VCX2: variants seen among roughly 807,000 people sequenced by gnomAD.
VCX2 encodes the protein variable charge X-linked protein 2.
For missense variants in VCX2, 83 were observed against 116.6 expected, an observed-to-expected ratio of 0.71 and a Z score of 1.33; for synonymous variants, 37 against 53.9, an observed-to-expected ratio of 0.69 and a Z score of 1.38.
In VCX2 at chrX:8,170,320, T is replaced by C; in HGVS notation, c.132A>G (p.Ala44=). The C allele has an allele frequency of 1.0e-6, 1 of 983,418 alleles. No individual in the cohort carries two copies. The highest frequency in any genetic ancestry group is 1.4e-6 in the Non-Finnish European group (1 of 737,947). 81.0% of individuals were successfully genotyped at this position (983,418 alleles called of 1,213,427 possible). ...KTTKVAKKGK[A]VRRGRRGKKG... is the part of the protein sequence containing the mutation. The stretch of plus-strand genomic sequence containing the variant: ...TCTTCCCGCGTCTCCCTCTACGAAC[T>C]GCTTTTCCCTTCTTGGCCACCTTGG... Residue 44 remains alanine, a synonymous_variant, in exon 3 of 3, where the codon GCA becomes GCG. Transcript: ENST00000317103.
chrX:8,170,004 C>T lies in VCX2; in HGVS notation c.*28G>A. On this transcript the variant is annotated 3_prime_UTR_variant, in exon 3 of 3. Transcript: ENST00000317103. The stretch of plus-strand genomic sequence containing the variant: ...ATGGCAAGCACCCCGCTGGTGAGAT[C>T]TCTGAGGTCTGGCGGCTGGGCCTGA... The T allele has an allele frequency of 1.7e-6, 2 of 1,190,887 alleles. No individual in the cohort carries two copies. The highest frequency in any genetic ancestry group is 1.1e-6 in the Non-Finnish European group (1 of 888,730).
In VCX2 at chrX:8,170,063, C is replaced by T. The variant is rs370309317; in HGVS notation, c.389G>A (p.Ser130Asn). ...GGTGCTCTCGGAGACAGGGGAAAAG[C>T]TGGCCATCCACACAGTCAGTGGTTC... ...VEEPLTVWMASFSPVSESTD is the reference protein window; with the variant it reads ...VEEPLTVWMANFSPVSESTD The change falls in exon 3 of 3, where the codon AGC becomes AAC. Residue 130 changes from serine (S) to asparagine (N), a missense_variant. Coordinates refer to ENST00000317103, the MANE Select transcript of VCX2 (RefSeq NM_016378.3). 4.2e-6 allele frequency: 5 copies of T among 1,203,880 alleles called. No individual in the cohort carries two copies. In the East Asian group the frequency reaches 8.9e-5, roughly 22 times the overall value.
chrX:8,170,866 G>GC (rs1013380752), intron 1 of VCX2, 77 bp from the exon 2 acceptor site: 1,176 of 40,826 alleles, frequency 0.029, 2 homozygotes, highest in Admixed American at 0.044. Context: ...CGGGGGGGGG[G>GC]GGTGACATCT....
At position 8,170,029 on chromosome X, in the gene VCX2, A is replaced by T. The variant is rs1338103651; in HGVS notation, c.*3T>A. 1 of 1,198,797 alleles carries T rather than the reference A, an allele frequency of 8.3e-7. No homozygotes were observed. ...CTCTGAGGTCTGGCGGCTGGGCCTG[A>T]ACTTAGTCGGTGCTCTCGGAGACAG... On this transcript the variant is annotated 3_prime_UTR_variant, in exon 3 of 3. Coordinates refer to ENST00000317103, the MANE Select transcript of VCX2 (RefSeq NM_016378.3).
rs1208761163 is a variant in VCX2, at chrX:8,170,174, T to G, written c.278A>C (p.Glu93Ala). 2 of 1,141,110 alleles carry G rather than the reference T, an allele frequency of 1.8e-6. No individual in the cohort carries two copies. The highest frequency in any genetic ancestry group is 5.2e-5 in the Admixed American group (2 of 38,636). The allele number at this position is 1,141,110 out of a possible 1,213,427, so 94.0% of individuals were successfully genotyped here. A position where few individuals can be genotyped will look rare whatever the true frequency, so the allele number is the denominator to read the frequency against. The change falls in exon 3 of 3, where the codon GAG (glutamate) becomes GCG (alanine). Residue 93 changes from glutamate (E) to alanine (A), a missense_variant. Transcript: ENST00000317103. Reference sequence around the variant, plus strand: ...GTGCTGGGTCCCCTCGCTCACTGGCTCCTCCGGCGGCAGCTCGTGCTGAGG... The same window carrying G: ...GTGCTGGGTCCCCTCGCTCACTGGCGCCTCCGGCGGCAGCTCGTGCTGAGG... Reference protein sequence around the residue: ...ELPQHELPPEEPVSEGTQHDP... With the variant: ...ELPQHELPPEAPVSEGTQHDP...
At chrX:8,170,374 A>G in intron 2 of VCX2, 25 bp from the exon 3 acceptor site, 1 of 859,885 alleles carries the variant, frequency 1.2e-6, no homozygotes, top group Non-Finnish European at 1.6e-6. Flanking sequence ...GGGAGATCAC[A>G]GAAGGGCTCT....
In VCX2 at chrX:8,170,078, G is replaced by A; in HGVS notation, c.374C>T (p.Thr125Ile). ...SQESEVEEPL[T>I]VWMASFSPVS... Reference sequence around the variant, plus strand: ...AGGGGAAAAGCTGGCCATCCACACAGTCAGTGGTTCTTCCACCTCGCTCTC... The same window carrying A: ...AGGGGAAAAGCTGGCCATCCACACAATCAGTGGTTCTTCCACCTCGCTCTC... Residue 125 changes from threonine (T) to isoleucine (I), a missense_variant, in exon 3 of 3, where the codon ACT (threonine) becomes ATT (isoleucine). Coordinates refer to ENST00000317103, the MANE Select transcript of VCX2 (RefSeq NM_016378.3). The A allele has an allele frequency of 8.3e-7, 1 of 1,201,310 alleles. No homozygotes were observed. Among genetic ancestry groups the A allele is most frequent in the Non-Finnish European group, 1.1e-6 (1 of 892,749 alleles).
rs1319642547 is a variant in VCX2, at chrX:8,170,108, C to G, written c.344G>C (p.Ser115Thr). The part of the protein sequence containing the change: ...SQESEVEEPL[S>T]QESEVEEPLT... ...TGGTTCTTCCACCTCGCTCTCCTGA[C>G]TCAGTGGTTCTTCCACCTCGCTCTC... is the stretch of plus-strand genomic sequence containing the variant. The change falls in exon 3 of 3, where the codon AGT (serine) becomes ACT (threonine). Residue 115 changes from serine (S) to threonine (T), a missense_variant. Coordinates refer to ENST00000317103, the MANE Select transcript of VCX2 (RefSeq NM_016378.3). The G allele has an allele frequency of 8.4e-7, 1 of 1,185,559 alleles. No individual in the cohort carries two copies. Among genetic ancestry groups the G allele is most frequent in the Non-Finnish European group, 1.1e-6 (1 of 886,333 alleles).
rs1434939227 is a variant in VCX2 at position 8,170,188 on chromosome X, C to G, written c.264G>C (p.Glu88Asp). 1.8e-6 allele frequency: 2 copies of G among 1,139,010 alleles called. No homozygotes were observed. 93.9% of individuals were successfully genotyped at this position (1,139,010 alleles called of 1,213,427 possible). A position where few individuals can be genotyped will look rare whatever the true frequency, so the allele number is the denominator to read the frequency against. The stretch of plus-strand genomic sequence containing the variant: ...CGCTCACTGGCTCCTCCGGCGGCAG[C>G]TCGTGCTGAGGGAGCTCCTGGCTGG... Reference protein sequence around the residue: ...DQPSQELPQHELPPEEPVSEG... With the variant: ...DQPSQELPQHDLPPEEPVSEG... The change falls in exon 3 of 3, where the codon GAG becomes GAC. Residue 88 changes from glutamate to aspartate, a missense_variant. Physicochemically the swap from Glu to Asp is conservative, Grantham distance 45. Transcript: ENST00000317103.
Position 8,170,080 on chromosome X carries a change from C to G in VCX2, c.372G>C (p.Leu124=), listed in dbSNP as rs762717705. Residue 124 remains leucine (L), a synonymous_variant, in exon 3 of 3, where the codon CTG becomes CTC. Coordinates refer to ENST00000317103, the MANE Select transcript of VCX2 (RefSeq NM_016378.3). ...GGGAAAAGCTGGCCATCCACACAGTCAGTGGTTCTTCCACCTCGCTCTCCT... is the reference window on the plus strand; with the variant it reads ...GGGAAAAGCTGGCCATCCACACAGTGAGTGGTTCTTCCACCTCGCTCTCCT... ...LSQESEVEEP[L]TVWMASFSPV... is the part of the protein sequence containing the mutation. 102 of 1,191,948 alleles carry G rather than the reference C, an allele frequency of 8.6e-5. 1 individual carries two copies. The Admixed American group carries it at 2.1e-3, about 25-fold the overall frequency.
chrX:8,170,283 T>G lies in VCX2; in HGVS notation c.169A>C (p.Thr57Pro), dbSNP rs1452046372. Reference protein sequence around the residue: ...RGRRGKKGAATKMAAVTAPEA... With the variant: ...RGRRGKKGAAPKMAAVTAPEA... ...GGTGCCGTCACGGCCGCCATCTTTG[T>G]CGCAGCCCCTTTCTTCCCGCGTCTC... Residue 57 changes from threonine (T) to proline (P), a missense_variant, in exon 3 of 3, where the codon ACA becomes CCA. Physicochemically the swap from Thr to Pro is conservative, Grantham distance 38. Transcript: ENST00000317103. The G allele has an allele frequency of 9.3e-7, 1 of 1,076,834 alleles. No individual in the cohort carries two copies. Among genetic ancestry groups the G allele is most frequent in the Non-Finnish European group, 1.2e-6 (1 of 808,187 alleles). 88.7% of individuals were successfully genotyped at this position (1,076,834 alleles called of 1,213,427 possible).
chrX:8,170,010 G>A lies in VCX2; in HGVS notation c.*22C>T. 1 of 1,193,477 alleles carries A rather than the reference G, an allele frequency of 8.4e-7. No homozygotes were observed. ...AGCACCCCGCTGGTGAGATCTCTGA[G>A]GTCTGGCGGCTGGGCCTGAACTTAG... On this transcript the variant is annotated 3_prime_UTR_variant, in exon 3 of 3. Transcript: ENST00000317103.
chrX:8,170,793 G>C lies in VCX2; in HGVS notation c.-146-4C>G. 1 of 586,370 alleles carries C rather than the reference G, an allele frequency of 1.7e-6. No homozygotes were observed. The highest frequency in any genetic ancestry group is 3.6e-5 in the Admixed American group (1 of 27,604). 48.3% of individuals were successfully genotyped at this position (586,370 alleles called of 1,213,427 possible). On this transcript the variant is annotated splice_region_variant and splice_polypyrimidine_tract_variant and intron_variant, in intron 1 of 2. Transcript: ENST00000317103. ...CACTACCCAGCCAATGGTAGCCCTG[G>C]GCGGGAAGGAAGGCCTTATACGTCA...
chrX:8,169,992 C>A lies in VCX2; in HGVS notation c.*40G>T. 8.5e-7 allele frequency: 1 copy of A among 1,182,226 alleles called. No individual in the cohort carries two copies. Among genetic ancestry groups the A allele is most frequent in the Non-Finnish European group, 1.1e-6 (1 of 884,368 alleles). The stretch of plus-strand genomic sequence containing the variant: ...ATTATCTTCAGAATGGCAAGCACCC[C>A]GCTGGTGAGATCTCTGAGGTCTGGC... On this transcript the variant is annotated 3_prime_UTR_variant, in exon 3 of 3. Transcript: ENST00000317103.
At chrX:8,170,390 A>AG in intron 2 of VCX2, 41 bp from the exon 3 acceptor site, 1 of 807,982 alleles carries the variant, frequency 1.2e-6, no homozygotes, top group Non-Finnish European at 1.7e-6. Flanking sequence ...GCTCTGGTTT[A>AG]GGGACGAGGA....
chrX:8,170,857 G>GA (rs1931584259), intron 1 of VCX2, 68 bp from the exon 2 acceptor site: 1 of 3,718 alleles, frequency 2.7e-4, no homozygotes, highest in Non-Finnish European at 3.8e-4. Context: ...AGTCGGGGGC[G>GA]GGGGGGGGGG....
At chrX:8,171,063 T>C (rs200706675) in intron 1 of VCX2, 44 bp downstream of exon 1, 24,452 of 256,488 alleles carry the variant, frequency 0.095, 251 homozygotes, top group Admixed American at 0.14. Flanking sequence ...GTACATTCTG[T>C]TCCTCCACAC....
rs754066749 is a variant in VCX2 at position 8,170,058 on chromosome X, A to G, written c.394T>C (p.Ser132Pro). The G allele has an allele frequency of 1.0e-5, 12 of 1,194,669 alleles. No individual in the cohort carries two copies. Among genetic ancestry groups the G allele is most frequent in the Non-Finnish European group, 1.3e-5 (12 of 890,646 alleles). Residue 132 changes from serine to proline, a missense_variant, in exon 3 of 3, where the codon TCC (serine) becomes CCC (proline). Physicochemically the swap from Ser to Pro is moderately conservative, Grantham distance 74. Transcript: ENST00000317103. Reference protein sequence around the residue: ...EPLTVWMASFSPVSESTD With the variant: ...EPLTVWMASFPPVSESTD ...TAGTCGGTGCTCTCGGAGACAGGGG[A>G]AAAGCTGGCCATCCACACAGTCAGT...
rs368373463 is a variant in VCX2, at chrX:8,170,148, C to G, written c.304G>C (p.Asp102His). The G allele has an allele frequency of 1.8e-6, 2 of 1,110,478 alleles. No homozygotes were observed. Among genetic ancestry groups the G allele is most frequent in the Non-Finnish European group, 2.4e-6 (2 of 842,214 alleles). 91.5% of individuals were successfully genotyped at this position (1,110,478 alleles called of 1,213,427 possible). A position where few individuals can be genotyped will look rare whatever the true frequency, so the allele number is the denominator to read the frequency against. Residue 102 changes from aspartate to histidine, a missense_variant, in exon 3 of 3, where the codon GAC becomes CAC. Asp to His is a moderately conservative substitution (Grantham distance 81, BLOSUM62 -1). Transcript: ENST00000317103. ...EEPVSEGTQH[D>H]PLSQESEVEE... ...ACCTCGCTCTCCTGACTCAGGGGGTCGTGCTGGGTCCCCTCGCTCACTGGC... is the reference window on the plus strand; with the variant it reads ...ACCTCGCTCTCCTGACTCAGGGGGTGGTGCTGGGTCCCCTCGCTCACTGGC...
Sources: gnomAD v4.1 joint callset for allele counts on GRCh38, gnomAD v4.1.1 for gene constraint, MANE v1.5 for transcripts, NCBI Gene and HGNC (gene_info 2026-07-23, HGNC 2026-07-21) for gene names.